Variants in HACE1 observed in about 807,000 individuals in gnomAD.
The protein encoded by HACE1 is E3 ubiquitin-protein ligase HACE1.
HACE1 carries 73 observed loss-of-function variants against 118.4 expected under a neutral mutation model. The observed-to-expected ratio is 0.62, with a 90% CI of 0.51 to 0.75. HACE1 has a LOEUF of 0.75. HACE1 is among the 30% of genes least tolerant of loss of function. The probability of loss-of-function intolerance (pLI) is 0.00; values close to 1 mark genes in which losing one functional copy is unlikely to be tolerated. For synonymous variants in HACE1, 368 were observed against 374.8 expected (o/e 0.98, Z 0.21); for missense variants, 749 against 1,102.2 (o/e 0.68, Z 4.54).
intron 6 of HACE1, among the ~76,000 whole-genome samples, chr6:104,821,982 A>G (rs1454735023): frequency 6.6e-6 from 1 of 152,114 alleles, no homozygotes; most frequent in Non-Finnish European, 1.5e-5. Flanking sequence ...CCAAAGTGGG[A>G]GGAGTGCTTG....
chr6:104,753,042 T>C (rs920462269), intron 19 of HACE1, among the ~76,000 whole-genome samples: 1 of 152,220 alleles, frequency 6.6e-6, no homozygotes, highest in African/African-American at 2.4e-5. Context: ...TGGAAAAATC[T>C]AAGTCGAACT....
intron 19 of HACE1, among the ~76,000 whole-genome samples, chr6:104,762,826 TA>T (rs1779540475): frequency 6.6e-6 from 1 of 151,650 alleles, no homozygotes; most frequent in Non-Finnish European, 1.5e-5. Flanking sequence ...CCGTCTCTAC[TA>T]AAAGTACAAA....
chr6:104,849,055 G>A, intron 4 of HACE1, 87 bp downstream of exon 4: 1 of 789,532 alleles, frequency 1.3e-6, no homozygotes, highest in South Asian at 1.4e-5. Context: ...AAATATCAGG[G>A]ATGCGGGAGG....
intron 19 of HACE1, among the ~76,000 whole-genome samples, chr6:104,762,989 CAAAAAAAAAAA>C (rs56232124): frequency 3.1e-5 from 1 of 32,256 alleles, no homozygotes; most frequent in Non-Finnish European, 6.4e-5. Context: ...GACTCCATCT[CAAAAAAAAAAA>C]AAAAAAAAAA....
intron 22 of HACE1, among the ~76,000 whole-genome samples, chr6:104,737,607 T>A (rs56253403): frequency 2.2e-3 from 336 of 152,258 alleles, no homozygotes; most frequent in African/African-American, 7.8e-3. Context: ...ACCCGAATAC[T>A]GCGCTTTTCC....
At chr6:104,739,778 G>T (rs527392089) in intron 22 of HACE1, among the ~76,000 whole-genome samples, 6 of 150,868 alleles carry the variant, frequency 4.0e-5, no homozygotes, top group African/African-American at 1.2e-4. Context: ...AGTCAACAAG[G>T]ATACCCAGGA....
rs768488919 is a variant in HACE1 at position 104,729,623 on chromosome 6, A to C, written c.*39T>G. The C allele has an allele frequency of 1.0e-6, 1 of 958,270 alleles. No homozygotes were observed. Among genetic ancestry groups the C allele is most frequent in the South Asian group, 1.3e-5 (1 of 78,228 alleles). 59.4% of individuals were successfully genotyped at this position (958,270 alleles called of 1,614,324 possible). On this transcript the variant is annotated 3_prime_UTR_variant, in exon 24 of 24. Coordinates refer to ENST00000262903, the MANE Select transcript of HACE1 (RefSeq NM_020771.4). ...TTCCCAAATTACTTCTGCCATTCTG[A>C]ATTGTGCATCAGTAGTCAGAGGAGT...
chr6:104,829,459 C>T (rs1285148839), intron 6 of HACE1, among the ~76,000 whole-genome samples: 1 of 151,988 alleles, frequency 6.6e-6, no homozygotes, highest in African/African-American at 2.4e-5. Context: ...TATACTTCAG[C>T]CAGGAGGAAA....
chr6:104,785,013 T>C lies in HACE1; in HGVS notation c.1381A>G (p.Met461Val), dbSNP rs1306800681. The C allele has an allele frequency of 5.0e-6, 8 of 1,613,280 alleles. No homozygotes were observed. Among genetic ancestry groups the C allele is most frequent in the Admixed American group, 3.3e-5 (2 of 59,948 alleles). Residue 461 changes from methionine to valine, a missense_variant, in exon 12 of 24, where the codon ATG becomes GTG. Transcript: ENST00000262903. ...RLSAVIQAFY[M>V]CCSCQMPPGM... Reference sequence around the variant, plus strand: ...GGAGGCATCTGACAAGAACAGCACATGTAAAAAGCTTGAATGACAGCACTT... The same window carrying C: ...GGAGGCATCTGACAAGAACAGCACACGTAAAAAGCTTGAATGACAGCACTT...
Position 104,796,689 on chromosome 6 carries a change from T to C in HACE1, c.782A>G (p.Gln261Arg), listed in dbSNP as rs922734307. The change falls in exon 9 of 24, where the codon CAA (glutamine) becomes CGA (arginine). Residue 261 changes from glutamine (Q) to arginine (R), a missense_variant. Around this residue, in one of 5 missense-constraint regions of HACE1, gnomAD observed 267 missense variants for 312.2 expected, o/e 0.86. Transcript: ENST00000262903. Reference sequence around the variant, plus strand: ...TCGGAGGTCTTCATTCTGTGTCATTTGAATAATAGTCTGAAAAAGCCTCGG... The same window carrying C: ...TCGGAGGTCTTCATTCTGTGTCATTCGAATAATAGTCTGAAAAAGCCTCGG... The part of the protein sequence containing the change: ...YHPRLFQTII[Q>R]MTQNEDLREN... The C allele has an allele frequency of 2.5e-6, 4 of 1,580,646 alleles. No individual in the cohort carries two copies. In the Admixed American group the frequency reaches 6.7e-5, roughly 26 times the overall value.
chr6:104,837,477 T>C (rs1774660176), intron 5 of HACE1, among the ~76,000 whole-genome samples: 1 of 152,162 alleles, frequency 6.6e-6, no homozygotes, highest in African/African-American at 2.4e-5. Context: ...CCTCATAACT[T>C]ATGCAAACAG....
At chr6:104,842,576 A>T (rs1562492896) in intron 5 of HACE1, among the ~76,000 whole-genome samples, 1 of 152,150 alleles carries the variant, frequency 6.6e-6, no homozygotes, top group Non-Finnish European at 1.5e-5. Context: ...AACATATTAA[A>T]AGTATTTAAA....
At chr6:104,737,709 G>A (rs1776067628) in intron 22 of HACE1, among the ~76,000 whole-genome samples, 1 of 152,302 alleles carries the variant, frequency 6.6e-6, no homozygotes, top group East Asian at 1.9e-4. Flanking sequence ...TGCTAGCACA[G>A]CAGTCTGAGA....
intron 2 of HACE1, among the ~76,000 whole-genome samples, chr6:104,851,541 A>G (rs558435888): frequency 2.0e-5 from 3 of 152,248 alleles, no homozygotes; most frequent in African/African-American, 7.2e-5. Context: ...GGATAATCCT[A>G]TGTTACCTGC....
At chr6:104,832,158 A>C (rs1021782192) in intron 6 of HACE1, among the ~76,000 whole-genome samples, 1 of 152,174 alleles carries the variant, frequency 6.6e-6, no homozygotes, top group South Asian at 2.1e-4. Flanking sequence ...TCACTATCTA[A>C]TCTCCAAAAT....
intron 10 of HACE1, among the ~76,000 whole-genome samples, chr6:104,792,589 G>C (rs1783141531): frequency 6.6e-6 from 1 of 152,152 alleles, no homozygotes; most frequent in Non-Finnish European, 1.5e-5. Context: ...CTTCTGCGCA[G>C]AACAGCAGGA....
chr6:104,815,967 G>C (rs1772069455), intron 6 of HACE1, among the ~76,000 whole-genome samples: 1 of 151,960 alleles, frequency 6.6e-6, no homozygotes, highest in Non-Finnish European at 1.5e-5. Flanking sequence ...CAGCTACTCG[G>C]GGGGCTGAGG....
At chr6:104,819,581 C>T (rs9486019) in intron 6 of HACE1, among the ~76,000 whole-genome samples, 5,206 of 152,086 alleles carry the variant, frequency 0.034, 281 homozygotes, top group African/African-American at 0.12. Flanking sequence ...CAAACAGACA[C>T]GGCAATCCTA....
intron 6 of HACE1, among the ~76,000 whole-genome samples, chr6:104,813,474 G>C (rs1325782799): frequency 7.2e-6 from 1 of 138,416 alleles, no homozygotes; most frequent in Non-Finnish European, 1.6e-5. Flanking sequence ...CCCAACCAAG[G>C]TTAAATTTTC....
Sources: gnomAD v4.1 joint callset for allele counts (sites outside exome capture counted in the v4.1 genomes callset) on GRCh38, gnomAD v4.1.1 for gene constraint, gnomAD v4.1.1 regional missense constraint, MANE v1.5 for transcripts, NCBI Gene and HGNC (gene_info 2026-07-23, HGNC 2026-07-21) for gene names.